The following GOLGA8A variants were observed in gnomAD, a reference collection of about 807,000 sequenced individuals.
GOLGA8A encodes golgin A8 family member A.
Under a neutral mutation model 22.1 loss-of-function variants are expected in GOLGA8A, and 3 were observed. That is an observed-to-expected ratio of 0.14 (90% CI 0.06 to 0.35). The LOEUF is 0.35. Ranked by LOEUF, GOLGA8A falls within the 10% of genes least tolerant of loss-of-function variation. The pLI is 1.00. For synonymous variants in GOLGA8A, 7 were observed against 91.7 expected, an observed-to-expected ratio of 0.08 and a Z score of 5.28; for missense variants, 16 against 233.2, an observed-to-expected ratio of 0.07 and a Z score of 6.07.
At chr15:34,433,255 G>A (rs965391159) in intron 2 of GOLGA8A, among the ~76,000 whole-genome samples, 1 of 149,198 alleles carries the variant, frequency 6.7e-6, no homozygotes, top group African/African-American at 2.5e-5. Flanking sequence ...CTGACATTAG[G>A]TACAGGACAA....
intron 2 of GOLGA8A, among the ~76,000 whole-genome samples, chr15:34,432,772 C>T (rs1893314800): frequency 6.7e-6 from 1 of 149,120 alleles, no homozygotes; most frequent in East Asian, 2.0e-4. Flanking sequence ...AGATGCACCA[C>T]CTTACATTAA....
chr15:34,380,908 G>C lies in GOLGA8A; in HGVS notation c.*503C>G, dbSNP rs1329284494. ...AGTACTCACAGTGGCATATTACAAAGTAATAAACAGTGCACACTTGAGGGC... is the reference window on the plus strand; with the variant it reads ...AGTACTCACAGTGGCATATTACAAACTAATAAACAGTGCACACTTGAGGGC... On this transcript the variant is annotated 3_prime_UTR_variant, in exon 25 of 25. Coordinates refer to ENST00000359187, the MANE Select transcript of GOLGA8A (RefSeq NM_181077.5). 1 of 260,778 alleles carries C rather than the reference G, an allele frequency of 3.8e-6. No individual in the cohort carries two copies. The highest frequency in any genetic ancestry group is 1.1e-4 in the East Asian group (1 of 9,068). 16.2% of individuals were successfully genotyped at this position (260,778 alleles called of 1,614,324 possible).
chr15:34,433,104 C>T (rs149121332), intron 2 of GOLGA8A, among the ~76,000 whole-genome samples: 13,993 of 148,674 alleles, frequency 0.094, 1,736 homozygotes, highest in South Asian at 0.25. Context: ...CAAATCCCAT[C>T]CTCTTTTCTG....
Position 34,430,870 on chromosome 15 carries a change from C to G in GOLGA8A, c.-1123+4513G>C, listed in dbSNP as rs1395067903. On this transcript the variant is annotated intron_variant, in intron 2 of 24. Transcript: ENST00000359187. ...GCTGGCTCACACGTGGAGGCAGAGC[C>G]TGGCTTCCCAGAGCTTCCAGTTCCT... 1.2e-4 allele frequency among the ~76,000 whole-genome samples: 18 copies of G among 149,878 alleles called. 1 individual carries two copies. Among genetic ancestry groups the G allele is most frequent in the Non-Finnish European group, 1.6e-4 (11 of 67,414 alleles).
At chr15:34,423,663 G>A (rs1892868935) in intron 2 of GOLGA8A, among the ~76,000 whole-genome samples, 1 of 148,244 alleles carries the variant, frequency 6.7e-6, no homozygotes, top group African/African-American at 2.5e-5. Context: ...GAGCTTCACA[G>A]ACTCCAGGGC....
chr15:34,431,069 A>G (rs1202798732), intron 2 of GOLGA8A, among the ~76,000 whole-genome samples: 1 of 148,786 alleles, frequency 6.7e-6, no homozygotes, highest in Non-Finnish European at 1.5e-5. Flanking sequence ...TGAGAAATCC[A>G]TCATCCCTAA....
intron 2 of GOLGA8A, among the ~76,000 whole-genome samples, chr15:34,421,721 C>T (rs1227314872): frequency 7.2e-6 from 1 of 138,806 alleles, no homozygotes; most frequent in Non-Finnish European, 1.5e-5. Flanking sequence ...AGAACCCATC[C>T]CAAACTGGAA....
rs182848430 is a variant in GOLGA8A, at chr15:34,429,447, G to A, written c.-1123+5936C>T. On this transcript the variant is annotated intron_variant, in intron 2 of 24. Coordinates refer to ENST00000359187, the MANE Select transcript of GOLGA8A (RefSeq NM_181077.5). ...CACACTCCAGGCTGGCCCTTCTGCCGAGAGGGCTCTTCTGGCCTGGGCTCT... is the reference window on the plus strand; with the variant it reads ...CACACTCCAGGCTGGCCCTTCTGCCAAGAGGGCTCTTCTGGCCTGGGCTCT... Among the ~76,000 whole-genome samples the A allele has an allele frequency of 1.4e-5, 2 of 145,836 alleles. 1 individual carries two copies. The highest frequency in any genetic ancestry group is 3.0e-5 in the Non-Finnish European group (2 of 66,134).
chr15:34,431,795 A>C (rs1457098008), intron 2 of GOLGA8A, among the ~76,000 whole-genome samples: 2 of 148,284 alleles, frequency 1.3e-5, no homozygotes, highest in Non-Finnish European at 3.0e-5. Flanking sequence ...TTTTTTAAAT[A>C]TTTTATATAT....
intron 2 of GOLGA8A, among the ~76,000 whole-genome samples, chr15:34,424,078 G>A (rs1185672181): frequency 1.3e-5 from 2 of 148,262 alleles, no homozygotes; most frequent in East Asian, 4.0e-4. Flanking sequence ...GGCCCCCATG[G>A]GTGAGTACCC....
In GOLGA8A at chr15:34,432,300, C is replaced by T. The variant is rs770845904; in HGVS notation, c.-1123+3083G>A. The stretch of plus-strand genomic sequence containing the variant: ...GTTGAAAATTAGCACCTTTACGTGC[C>T]CACCAGTGGTCATGAGTCCTAGTCA... On this transcript the variant is annotated intron_variant, in intron 2 of 24. Coordinates refer to ENST00000359187, the MANE Select transcript of GOLGA8A (RefSeq NM_181077.5). Among the ~76,000 whole-genome samples, 6 of 148,680 alleles carry T rather than the reference C, an allele frequency of 4.0e-5. 1 individual carries two copies. The highest frequency in any genetic ancestry group is 7.5e-5 in the Non-Finnish European group (5 of 67,102).
intron 2 of GOLGA8A, among the ~76,000 whole-genome samples, chr15:34,429,821 T>G (rs532581933): frequency 6.8e-6 from 1 of 148,034 alleles, no homozygotes; most frequent in South Asian, 2.2e-4. Context: ...AGTCCTTGAG[T>G]GTCAAAGGAC....
intron 2 of GOLGA8A, among the ~76,000 whole-genome samples, chr15:34,420,840 A>C (rs1402783104): frequency 1.5e-5 from 2 of 129,578 alleles, no homozygotes; most frequent in East Asian, 4.6e-4. Flanking sequence ...ATTCGGAGTC[A>C]CATCTCTGAT....
chr15:34,436,362 C>G (rs1227199153), intron 1 of GOLGA8A, among the ~76,000 whole-genome samples: 1 of 149,882 alleles, frequency 6.7e-6, no homozygotes, highest in Non-Finnish European at 1.5e-5. Context: ...AGCCCAAAAA[C>G]AAAGTGCCAG....
At chr15:34,421,293 G>A (rs550273001) in intron 2 of GOLGA8A, among the ~76,000 whole-genome samples, 1 of 143,326 alleles carries the variant, frequency 7.0e-6, no homozygotes, top group South Asian at 2.6e-4. Context: ...TGTGAGAAGA[G>A]TCACATGAAG....
chr15:34,427,539 CT>C (rs1249249379), intron 2 of GOLGA8A, among the ~76,000 whole-genome samples: 1 of 148,276 alleles, frequency 6.7e-6, no homozygotes, highest in Non-Finnish European at 1.5e-5. Context: ...ACCTACTGCT[CT>C]GCAAAAGGAG....
chr15:34,436,072 C>A (rs1170446402), intron 1 of GOLGA8A, among the ~76,000 whole-genome samples: 2 of 148,828 alleles, frequency 1.3e-5, no homozygotes, highest in Non-Finnish European at 3.0e-5. Context: ...GACTGGGAAA[C>A]CCAGTTCCTG....
At chr15:34,420,269 G>A (rs1892744956) in intron 2 of GOLGA8A, 1 of 144,924 alleles carries the variant, frequency 6.9e-6, no homozygotes, top group African/African-American at 2.6e-5. Flanking sequence ...AGAAGCCTCA[G>A]TGTAAAATCA....
In GOLGA8A at chr15:34,423,208, T is replaced by A. The variant is rs1403947518; in HGVS notation, c.-1123+12175A>T. On this transcript the variant is annotated intron_variant, in intron 2 of 24. Coordinates refer to ENST00000359187, the MANE Select transcript of GOLGA8A (RefSeq NM_181077.5). ...GGAAAGCTGACCACCCCCATGCCTC[T>A]GGGCGCCACTCCCCTGCCCTACCAC... is the stretch of plus-strand genomic sequence containing the variant. Among the ~76,000 whole-genome samples, 5 of 126,144 alleles carry A rather than the reference T, an allele frequency of 4.0e-5. 1 individual carries two copies. Among genetic ancestry groups the A allele is most frequent in the Non-Finnish European group, 8.7e-5 (5 of 57,252 alleles). The allele number at this position is 126,144 out of a possible 152,430, so 82.8% of individuals were successfully genotyped here. A position where few individuals can be genotyped will look rare whatever the true frequency, so the allele number is the denominator to read the frequency against.
Sources: gnomAD v4.1 joint callset for allele counts (sites outside exome capture counted in the v4.1 genomes callset) on GRCh38, gnomAD v4.1.1 for gene constraint, MANE v1.5 for transcripts, NCBI Gene and HGNC (gene_info 2026-07-23, HGNC 2026-07-21) for gene names.